Variants in PHF21B observed in about 807,000 individuals in gnomAD.
PHF21B encodes PHD finger protein 21B.
Under a neutral mutation model 62.2 loss-of-function variants are expected in PHF21B, and 22 were observed. That is an observed-to-expected ratio of 0.35 (90% CI 0.25 to 0.51). The LOEUF (loss-of-function observed/expected upper bound fraction) is 0.51, where lower values mean the gene tolerates loss of function less well. Among genes scored for constraint, PHF21B ranks in the 20% least tolerant of loss-of-function variants. The pLI, the probability that PHF21B is intolerant of heterozygous loss-of-function variation, is 0.97. For synonymous variants in PHF21B, 341 were observed against 314.7 expected, an observed-to-expected ratio of 1.08 and a Z score of -0.88; for missense variants, 701 against 707.9, an observed-to-expected ratio of 0.99 and a Z score of 0.11.
intron 5 of PHF21B, among the ~76,000 whole-genome samples, chr22:44,902,971 C>A (rs1183151027): frequency 6.6e-6 from 1 of 152,232 alleles, no homozygotes; most frequent in Non-Finnish European, 1.5e-5. Flanking sequence ...CAATTGACTT[C>A]ATTCTTCGTC....
intron 2 of PHF21B, among the ~76,000 whole-genome samples, chr22:44,926,672 C>T (rs1171261265): frequency 1.3e-5 from 2 of 152,176 alleles, no homozygotes; most frequent in African/African-American, 2.4e-5. Context: ...CAAGGGTTGC[C>T]GTGTGGGCTG....
intron 2 of PHF21B, among the ~76,000 whole-genome samples, chr22:44,938,712 A>G (rs1444378895): frequency 6.6e-6 from 1 of 152,228 alleles, no homozygotes; most frequent in East Asian, 1.9e-4. Flanking sequence ...AATGGAATCA[A>G]TATTCATAGT....
intron 2 of PHF21B, among the ~76,000 whole-genome samples, chr22:44,952,447 C>A (rs2072213198): frequency 1.3e-5 from 2 of 152,192 alleles, no homozygotes; most frequent in Non-Finnish European, 2.9e-5. Context: ...TCATTGAAAA[C>A]AGTTTTGACA....
At position 44,881,611 on chromosome 22, in the gene PHF21B, G is replaced by A. The variant is rs1211692635; in HGVS notation, c.*1475C>T. On this transcript the variant is annotated 3_prime_UTR_variant, in exon 13 of 13. Coordinates refer to ENST00000313237, the MANE Select transcript of PHF21B (RefSeq NM_138415.5). ...TCCCGGAGTCGTGAGAATGACAGGA[G>A]GGACCGTGGCAGCTGCGGGATTTGC... The A allele has an allele frequency of 6.5e-6, 1 of 152,734 alleles. No homozygotes were observed. The highest frequency in any genetic ancestry group is 6.5e-5 in the Admixed American group (1 of 15,286). 9.5% of individuals were successfully genotyped at this position (152,734 alleles called of 1,614,324 possible).
At chr22:44,913,084 G>T (rs893524131) in intron 5 of PHF21B, among the ~76,000 whole-genome samples, 2 of 152,184 alleles carry the variant, frequency 1.3e-5, no homozygotes, top group African/African-American at 4.8e-5. Flanking sequence ...GCCACCATCA[G>T]TGCAGGGGCT....
chr22:44,958,501 C>T (rs1196563900), intron 2 of PHF21B, among the ~76,000 whole-genome samples: 1 of 151,850 alleles, frequency 6.6e-6, no homozygotes, highest in East Asian at 1.9e-4. Flanking sequence ...TAGAGATTTT[C>T]CAATTTTCTC....
chr22:44,954,643 G>T (rs1452132316), intron 2 of PHF21B, among the ~76,000 whole-genome samples: 1 of 152,216 alleles, frequency 6.6e-6, no homozygotes, highest in Non-Finnish European at 1.5e-5. Flanking sequence ...AGCAATTCAG[G>T]TCTACAGATT....
At chr22:44,925,857 C>T (rs1037945340) in intron 2 of PHF21B, among the ~76,000 whole-genome samples, 1 of 152,216 alleles carries the variant, frequency 6.6e-6, no homozygotes, top group Non-Finnish European at 1.5e-5. Context: ...AGGCTCTGAT[C>T]TCCCCGCCCC....
At chr22:44,986,281 G>C (rs2072948012) in intron 2 of PHF21B, among the ~76,000 whole-genome samples, 1 of 148,546 alleles carries the variant, frequency 6.7e-6, no homozygotes, top group Non-Finnish European at 1.5e-5. Context: ...ACCATCATGA[G>C]CACCACCGCC....
intron 2 of PHF21B, among the ~76,000 whole-genome samples, chr22:44,947,613 C>G (rs1185088909): frequency 6.6e-6 from 1 of 152,240 alleles, no homozygotes; most frequent in Non-Finnish European, 1.5e-5. Flanking sequence ...TTCTGCCTCT[C>G]TGTCATGTCA....
In PHF21B at chr22:44,889,778, A is replaced by G. The variant is rs146183044; in HGVS notation, c.1020T>C (p.Asn340=). Residue 340 remains asparagine (N), a synonymous_variant, in exon 9 of 13, where the codon AAT becomes AAC. Coordinates refer to ENST00000313237, the MANE Select transcript of PHF21B (RefSeq NM_138415.5). ...NNPLFLTARA[N]EDPCWKNEIT... is the part of the protein sequence containing the mutation. ...CACGTACCTTCCAGCAGGGGTCCTC[A>G]TTGGCTAGCACAGGGAAGAAGGGCG... 2 of 1,564,286 alleles carry G rather than the reference A, an allele frequency of 1.3e-6. No homozygotes were observed. Among genetic ancestry groups the G allele is most frequent in the African/African-American group, 2.8e-5 (2 of 71,332 alleles).
At chr22:44,971,786 A>G (rs977988856) in intron 2 of PHF21B, among the ~76,000 whole-genome samples, 1 of 152,152 alleles carries the variant, frequency 6.6e-6, no homozygotes, top group African/African-American at 2.4e-5. Context: ...ATGGCTTTGC[A>G]CTGACCCCTC....
intron 2 of PHF21B, among the ~76,000 whole-genome samples, chr22:44,926,488 AGGTGTGGGCTGGCCCTCCAGGCAAGGCG>A (rs1238443205): frequency 4.7e-4 from 72 of 152,102 alleles, no homozygotes; most frequent in Non-Finnish European, 1.6e-4. Context: ...GCCCGTGAGG[AGGTGTGGGCTGGCCCTCCAGGCAAGGCG>A]GGTGTGTGCT....
chr22:45,006,477 C>A (rs1298659409), intron 2 of PHF21B, among the ~76,000 whole-genome samples: 2 of 152,136 alleles, frequency 1.3e-5, no homozygotes, highest in Non-Finnish European at 2.9e-5. Context: ...GAGCTCCTTC[C>A]CGAAGCTGCC....
Position 45,009,415 on chromosome 22 carries a change from G to C in PHF21B, c.54+81C>G. On this transcript the variant is annotated intron_variant, in intron 1 of 12. Transcript: ENST00000313237. The surrounding 1 kb of genome is among the most constrained non-coding windows in gnomAD (Gnocchi z 5.9). ...CTGGAAGACCCAGAGACCCGGAAGAGAGGATGCTGGGCTCGGGTCCCCCGA... is the reference window on the plus strand; with the variant it reads ...CTGGAAGACCCAGAGACCCGGAAGACAGGATGCTGGGCTCGGGTCCCCCGA... The C allele has an allele frequency of 7.3e-7, 1 of 1,369,620 alleles. No homozygotes were observed. Among genetic ancestry groups the C allele is most frequent in the South Asian group, 1.4e-5 (1 of 73,042 alleles). The allele number at this position is 1,369,620 out of a possible 1,614,324, so 84.8% of individuals were successfully genotyped here.
chr22:44,945,981 C>T (rs906208823), intron 2 of PHF21B, among the ~76,000 whole-genome samples: 2 of 152,174 alleles, frequency 1.3e-5, no homozygotes, highest in African/African-American at 2.4e-5. Context: ...GCCCAAGTCA[C>T]CCACTTACTC....
intron 2 of PHF21B, among the ~76,000 whole-genome samples, chr22:44,946,470 G>A (rs548025459): frequency 6.6e-6 from 1 of 152,232 alleles, no homozygotes; most frequent in East Asian, 1.9e-4. Context: ...TGAGTGGGAT[G>A]GGAAAGAGGA....
intron 2 of PHF21B, among the ~76,000 whole-genome samples, chr22:44,983,033 T>C (rs1455440678): frequency 1.3e-5 from 2 of 152,008 alleles, no homozygotes; most frequent in Non-Finnish European, 2.9e-5. Context: ...CACTTCAGGT[T>C]AGGAGTTTGA....
chr22:44,898,578 C>A (rs1451419266), intron 5 of PHF21B, among the ~76,000 whole-genome samples: 1 of 152,006 alleles, frequency 6.6e-6, no homozygotes, highest in Non-Finnish European at 1.5e-5. Flanking sequence ...TGCCATGCAT[C>A]TAGATTTTTT....
Sources: allele counts gnomAD v4.1 joint callset (sites outside exome capture counted in the v4.1 genomes callset), GRCh38; gene constraint gnomAD v4.1.1; non-coding constraint Gnocchi (gnomAD v3.1); transcripts MANE v1.5; gene names NCBI Gene and HGNC (gene_info 2026-07-23, HGNC 2026-07-21).